PAM: variants seen among roughly 807,000 people sequenced by gnomAD.
The protein encoded by PAM is peptidyl-glycine alpha-amidating monooxygenase.
Under a neutral mutation model 122.1 loss-of-function variants are expected in PAM, and 72 were observed. The ratio of observed to expected loss-of-function variants is 0.59; its 90% CI spans 0.49 to 0.72. The LOEUF (loss-of-function observed/expected upper bound fraction) is 0.72. Ranked by LOEUF, PAM falls within the 30% of genes least tolerant of loss-of-function variation. The probability of loss-of-function intolerance (pLI) is 0.00; values close to 1 mark genes in which losing one functional copy is unlikely to be tolerated. For synonymous variants in PAM, 389 were observed against 404.4 expected (o/e 0.96, Z 0.46); for missense variants, 1,106 against 1,183.7 (o/e 0.93, Z 0.96).
intron 1 of PAM, among the ~76,000 whole-genome samples, chr5:102,768,054 C>G (rs761500481): frequency 5.9e-5 from 9 of 152,112 alleles, no homozygotes; most frequent in Non-Finnish European, 1.0e-4. Flanking sequence ...CAGTGCACAG[C>G]AAGCACTCAG....
intron 4 of PAM, among the ~76,000 whole-genome samples, chr5:102,902,969 T>C (rs1798435120): frequency 6.6e-6 from 1 of 151,488 alleles, no homozygotes; most frequent in Non-Finnish European, 1.5e-5. Context: ...TCTCCTACTA[T>C]AAATGTGTTT....
At chr5:102,838,392 G>A (rs1236877376) in intron 1 of PAM, 2 of 151,974 alleles carry the variant, frequency 1.3e-5, no homozygotes, top group Non-Finnish European at 2.9e-5. Flanking sequence ...CTTTTATATT[G>A]TTCTTGTAAA....
rs7716997 is a variant in PAM, at chr5:102,805,093, C to T, written c.-374+49745C>T. Among the ~76,000 whole-genome samples the T allele has an allele frequency of 3.3e-3, 391 of 117,792 alleles. 3 individuals carry two copies. Among genetic ancestry groups the T allele is most frequent in the African/African-American group, 0.012 (358 of 29,592 alleles). The allele number at this position is 117,792 out of a possible 152,430, so 77.3% of individuals were successfully genotyped here. Reference sequence around the variant, plus strand: ...TTTTTTTTTTTTTTTTTTTTTGAGACGGAGCCTCTCTCTGTTGGCCAGGCT... The same window carrying T: ...TTTTTTTTTTTTTTTTTTTTTGAGATGGAGCCTCTCTCTGTTGGCCAGGCT... On this transcript the variant is annotated intron_variant, in intron 1 of 25. Transcript: ENST00000438793.
chr5:102,780,755 CTTT>C (rs1758558467), intron 1 of PAM, among the ~76,000 whole-genome samples: 2 of 16,274 alleles, frequency 1.2e-4, no homozygotes, highest in South Asian at 3.8e-3. Context: ...CTTTCTTTCT[CTTT>C]CTTTCTTTCT....
Position 102,959,982 on chromosome 5 carries a change from T to A in PAM, c.1013T>A (p.Phe338Tyr), listed in dbSNP as rs1255565504. Residue 338 changes from phenylalanine to tyrosine, a missense_variant, in exon 13 of 26, where the codon TTC becomes TAC. Phe to Tyr is a conservative substitution (Grantham distance 22). Around this residue, in one of 3 missense-constraint regions of PAM, gnomAD observed 670 missense variants for 690.3 expected, o/e 0.97. Coordinates refer to ENST00000438793, the MANE Select transcript of PAM (RefSeq NM_001177306.2). ...TCTQNVAPDM[F>Y]RTIPPEANIP... is the part of the protein sequence containing the mutation. Reference sequence around the variant, plus strand: ...ACCCAGAATGTAGCTCCAGATATGTTCAGAACCATACCACCAGAGGCCAAC... The same window carrying A: ...ACCCAGAATGTAGCTCCAGATATGTACAGAACCATACCACCAGAGGCCAAC... 3 of 1,612,524 alleles carry A rather than the reference T, an allele frequency of 1.9e-6. No homozygotes were observed. The highest frequency in any genetic ancestry group is 2.2e-5 in the South Asian group (2 of 91,046).
chr5:102,959,916 A>G lies in PAM; in HGVS notation c.947A>G (p.Tyr316Cys), dbSNP rs760052249. The G allele has an allele frequency of 4.3e-6, 7 of 1,612,556 alleles. No homozygotes were observed. The African/African-American group carries it at 8.0e-5, about 18-fold the overall frequency. The change falls in exon 13 of 26, where the codon TAT becomes TGT. Residue 316 changes from tyrosine to cysteine, a missense_variant. This residue lies in a region of PAM where 670 missense variants were observed against 690.3 expected (regional missense o/e 0.97). Coordinates refer to ENST00000438793, the MANE Select transcript of PAM (RefSeq NM_001177306.2). ...GAAATGTGCAACTTATACATTATGTATTACATGGAAGCCAAGCATGCAGTT... is the reference window on the plus strand; with the variant it reads ...GAAATGTGCAACTTATACATTATGTGTTACATGGAAGCCAAGCATGCAGTT... ...SDEMCNLYIM[Y>C]YMEAKHAVSF...
chr5:103,011,550 A>C (rs1042938727), intron 21 of PAM, among the ~76,000 whole-genome samples: 1 of 152,172 alleles, frequency 6.6e-6, no homozygotes, highest in Non-Finnish European at 1.5e-5. Flanking sequence ...TATTTCATCT[A>C]TAATGATCTC....
chr5:102,858,140 G>C (rs897613193), intron 1 of PAM, among the ~76,000 whole-genome samples: 20 of 152,150 alleles, frequency 1.3e-4, no homozygotes, highest in African/African-American at 4.6e-4. Flanking sequence ...GTTAACTGTT[G>C]TTATGATTAT....
intron 16 of PAM, among the ~76,000 whole-genome samples, chr5:102,993,445 C>T (rs562895067): frequency 1.1e-4 from 17 of 152,196 alleles, no homozygotes; most frequent in African/African-American, 3.1e-4. Context: ...GAACTCACAT[C>T]GTATACCCAC....
In PAM at chr5:102,780,749, CTTTCTCTTTCTT is replaced by C. The variant is rs1408133499; in HGVS notation, c.-374+25403_-374+25414del. Among the ~76,000 whole-genome samples, 1,168 of 149,364 alleles carry C rather than the reference CTTTCTCTTTCTT, an allele frequency of 7.8e-3. 16 individuals are homozygous for C. The highest frequency in any genetic ancestry group is 0.024 in the Middle Eastern group (7 of 294). ...TCTTAACCTCAGCACCTTTTTCTTT[CTTTCTCTTTCTT>C]TCTTTCTTTCTTTCTTTCTTTCTTT... On this transcript the variant is annotated intron_variant, in intron 1 of 25. Transcript: ENST00000438793.
chr5:102,844,153 C>T (rs1185025642), intron 1 of PAM, among the ~76,000 whole-genome samples: 1 of 152,144 alleles, frequency 6.6e-6, no homozygotes, highest in Non-Finnish European at 1.5e-5. Context: ...ATACATGCAA[C>T]AACTTGGATG....
At chr5:102,863,001 T>TA (rs559404140) in intron 1 of PAM, among the ~76,000 whole-genome samples, 3,432 of 146,328 alleles carry the variant, frequency 0.023, 123 homozygotes, top group African/African-American at 0.064. Context: ...TTTTTTTTTT[T>TA]AAAAAAAAAT....
At chr5:102,994,746 T>G (rs2150873787) in intron 16 of PAM, among the ~76,000 whole-genome samples, 1 of 152,278 alleles carries the variant, frequency 6.6e-6, no homozygotes, top group African/African-American at 2.4e-5. Context: ...TCCAATTATG[T>G]TCCACTTTAT....
chr5:102,793,907 T>C (rs79508942), intron 1 of PAM, among the ~76,000 whole-genome samples: 4,332 of 152,270 alleles, frequency 0.028, 123 homozygotes, highest in East Asian at 0.14. Flanking sequence ...TATGCTATAT[T>C]TATCTGAGTA....
At chr5:102,788,232 TTAAAA>T (rs1299614000) in intron 1 of PAM, among the ~76,000 whole-genome samples, 1 of 152,132 alleles carries the variant, frequency 6.6e-6, no homozygotes, top group Admixed American at 6.5e-5. Flanking sequence ...ATTTATATAT[TTAAAA>T]TAAACATTTA....
At chr5:102,940,540 A>G (rs1399157124) in intron 7 of PAM, among the ~76,000 whole-genome samples, 1 of 150,534 alleles carries the variant, frequency 6.6e-6, no homozygotes, top group African/African-American at 2.4e-5. Flanking sequence ...AGTGATATAT[A>G]TCAGAGGTAA....
chr5:102,787,445 G>A (rs571417445), intron 1 of PAM, among the ~76,000 whole-genome samples: 18 of 151,878 alleles, frequency 1.2e-4, no homozygotes, highest in African/African-American at 3.4e-4. Context: ...CCAACTGTGG[G>A]GACAAAACTG....
In PAM at chr5:102,920,354, T is replaced by C. The variant is rs143783882; in HGVS notation, c.357-4603T>C. Among the ~76,000 whole-genome samples the C allele has an allele frequency of 1.3e-3, 200 of 152,228 alleles. 2 individuals are homozygous for C. Among genetic ancestry groups the C allele is most frequent in the Non-Finnish European group, 2.4e-3 (161 of 67,950 alleles). The stretch of plus-strand genomic sequence containing the variant: ...TTTGTTGGGCATGGAGAATTTGGTA[T>C]GAATAAAACAGACACACACTCTGCT... On this transcript the variant is annotated intron_variant, in intron 5 of 25. Coordinates refer to ENST00000438793, the MANE Select transcript of PAM (RefSeq NM_001177306.2).
At chr5:102,945,639 T>C (rs1756788182) in intron 7 of PAM, among the ~76,000 whole-genome samples, 1 of 152,054 alleles carries the variant, frequency 6.6e-6, no homozygotes, top group Non-Finnish European at 1.5e-5. Flanking sequence ...TTAATTTGCC[T>C]ATCTATTCTT....
Sources: gnomAD v4.1 joint callset for allele counts (sites outside exome capture counted in the v4.1 genomes callset) on GRCh38, gnomAD v4.1.1 for gene constraint, gnomAD v4.1.1 regional missense constraint, MANE v1.5 for transcripts, NCBI Gene and HGNC (gene_info 2026-07-23, HGNC 2026-07-21) for gene names.